Variants in LCLAT1 observed in about 807,000 individuals in gnomAD.
LCLAT1 encodes 1-AGP acyltransferase 8.
Under a neutral mutation model 30.7 loss-of-function variants are expected in LCLAT1, and 11 were observed. The observed-to-expected ratio is 0.36, with a 90% confidence interval of 0.23 to 0.59. LCLAT1 has a LOEUF of 0.59. LCLAT1 is among the 20% of genes least tolerant of loss of function. The pLI, the probability that LCLAT1 is intolerant of heterozygous loss-of-function variation, is 0.77. For synonymous variants in LCLAT1, 155 were observed against 151.3 expected (o/e 1.02, Z -0.18); for missense variants, 402 against 458.6 (o/e 0.88, Z 1.13).
chr2:30,585,055 T>A (rs1666372701), intron 5 of LCLAT1, among the ~76,000 whole-genome samples: 1 of 151,476 alleles, frequency 6.6e-6, no homozygotes, highest in Admixed American at 6.6e-5. Flanking sequence ...CTCTATGGGG[T>A]AAATGAGAAA....
chr2:30,544,227 A>G (rs1056116170), intron 3 of LCLAT1, among the ~76,000 whole-genome samples: 5 of 152,110 alleles, frequency 3.3e-5, no homozygotes, highest in Admixed American at 2.0e-4. Flanking sequence ...GTACCTTCTG[A>G]TGATTACCTT....
intron 1 of LCLAT1, among the ~76,000 whole-genome samples, chr2:30,505,693 C>T (rs1684624503): frequency 1.3e-5 from 2 of 152,092 alleles, no homozygotes; most frequent in South Asian, 2.1e-4. Flanking sequence ...CCTATACCTG[C>T]TCCACACCTC....
At chr2:30,537,181 A>T (rs1198243737) in intron 3 of LCLAT1, among the ~76,000 whole-genome samples, 1 of 152,136 alleles carries the variant, frequency 6.6e-6, no homozygotes, top group Non-Finnish European at 1.5e-5. Context: ...GGAGATCGAG[A>T]CCATCCTGGC....
chr2:30,620,411 T>C (rs1359724069), intron 5 of LCLAT1, among the ~76,000 whole-genome samples: 1 of 152,218 alleles, frequency 6.6e-6, no homozygotes, highest in East Asian at 1.9e-4. Context: ...ACTACTGTCA[T>C]ATAGCCTCTC....
chr2:30,517,374 G>C (rs906405054), intron 1 of LCLAT1, among the ~76,000 whole-genome samples: 1 of 152,148 alleles, frequency 6.6e-6, no homozygotes, highest in African/African-American at 2.4e-5. Context: ...GGTGGGACCC[G>C]TTCCTCACCA....
chr2:30,606,269 C>G (rs939803578), intron 5 of LCLAT1: 3 of 318,748 alleles, frequency 9.4e-6, no homozygotes, highest in Non-Finnish European at 1.8e-5. Flanking sequence ...ACAAAAAGCC[C>G]ATATAGCCAA....
chr2:30,453,200 G>A (rs1171376166), intron 1 of LCLAT1, among the ~76,000 whole-genome samples: 2 of 152,062 alleles, frequency 1.3e-5, no homozygotes, highest in African/African-American at 4.8e-5. Flanking sequence ...TTGTTGAGCT[G>A]GTATCTACTG....
intron 4 of LCLAT1, among the ~76,000 whole-genome samples, chr2:30,564,819 T>C (rs1665401326): frequency 6.6e-6 from 1 of 152,192 alleles, no homozygotes; most frequent in African/African-American, 2.4e-5. Context: ...CTAGCTTGCA[T>C]GTACATTTAA....
Position 30,608,075 on chromosome 2 carries a change from C to T in LCLAT1, c.629-32042C>T, listed in dbSNP as rs556816338. The stretch of plus-strand genomic sequence containing the variant: ...TTTACTCACACCTGTAATCCCAGCA[C>T]TTTGGGAACCCGAGGCAGGTGGATC... On this transcript the variant is annotated intron_variant, in intron 5 of 5. Transcript: ENST00000379509. Among the ~76,000 whole-genome samples, 9 of 152,060 alleles carry T rather than the reference C, an allele frequency of 5.9e-5. 1 individual carries two copies. The East Asian group carries it at 1.4e-3, about 23-fold the overall frequency.
Position 30,449,738 on chromosome 2 carries a change from G to A in LCLAT1, c.-5+2355G>A, listed in dbSNP as rs549263713. Among the ~76,000 whole-genome samples, 119 of 152,242 alleles carry A rather than the reference G, an allele frequency of 7.8e-4. 1 individual carries two copies. The highest frequency in any genetic ancestry group is 3.7e-3 in the South Asian group (18 of 4,826). ...TAGTCTTGAGCTCCCGACCTCAGGT[G>A]ATCCGCCTGCCTCAGCCTCCCAAAG... On this transcript the variant is annotated intron_variant, in intron 1 of 5. Transcript: ENST00000379509.
intron 1 of LCLAT1, among the ~76,000 whole-genome samples, chr2:30,477,381 C>T (rs191915770): frequency 2.8e-4 from 43 of 152,142 alleles, no homozygotes; most frequent in Admixed American, 1.6e-3. Flanking sequence ...AATACATCTT[C>T]GGTCTAATTA....
At chr2:30,511,031 CT>C (rs528098820) in intron 1 of LCLAT1, among the ~76,000 whole-genome samples, 12 of 151,990 alleles carry the variant, frequency 7.9e-5, no homozygotes, top group African/African-American at 2.4e-4. Flanking sequence ...TTCAAGTATA[CT>C]TTTTTTTCTG....
At chr2:30,639,973 AC>A in intron 5 of LCLAT1, 143 bp from the exon 6 acceptor site, 1 of 646,082 alleles carries the variant, frequency 1.5e-6, no homozygotes, top group South Asian at 2.2e-5. Context: ...GTCCAGGAAC[AC>A]CAGTATCTCT....
At chr2:30,533,062 T>G (rs1042247876) in intron 2 of LCLAT1, 54 bp from the exon 3 acceptor site, 64 of 1,258,942 alleles carry the variant, frequency 5.1e-5, no homozygotes, top group Non-Finnish European at 7.0e-5. Context: ...TGATAAAATT[T>G]ACCTATGGAA....
Position 30,527,203 on chromosome 2 carries a change from C to G in LCLAT1, c.165+1448C>G, listed in dbSNP as rs538416079. Among the ~76,000 whole-genome samples, 27 of 152,244 alleles carry G rather than the reference C, an allele frequency of 1.8e-4. No individual in the cohort carries two copies. The South Asian group carries it at 3.1e-3, about 18-fold the overall frequency. On this transcript the variant is annotated intron_variant, in intron 2 of 5. Coordinates refer to ENST00000379509, the MANE Select transcript of LCLAT1 (RefSeq NM_001002257.3). ...AGACATTTCCTATTGAAACATTTGA[C>G]TGTTTTCATGTCATTTATGTAACTA...
At chr2:30,516,899 C>T (rs1395360776) in intron 1 of LCLAT1, among the ~76,000 whole-genome samples, 1 of 152,158 alleles carries the variant, frequency 6.6e-6, no homozygotes, top group Non-Finnish European at 1.5e-5. Context: ...CGAACAGCCC[C>T]CATCTGAGTT....
At chr2:30,575,882 A>C (rs945535827) in intron 5 of LCLAT1, among the ~76,000 whole-genome samples, 4 of 152,144 alleles carry the variant, frequency 2.6e-5, no homozygotes, top group African/African-American at 9.7e-5. Context: ...AATAGGAGAA[A>C]AATTTTGCCC....
chr2:30,492,276 G>T (rs1003360905), intron 1 of LCLAT1, among the ~76,000 whole-genome samples: 3 of 152,196 alleles, frequency 2.0e-5, no homozygotes, highest in African/African-American at 7.2e-5. Context: ...GAAGGAAGGA[G>T]ACTTTTCTGA....
intron 5 of LCLAT1, among the ~76,000 whole-genome samples, chr2:30,587,053 C>T (rs1381733405): frequency 6.6e-6 from 1 of 152,156 alleles, no homozygotes; most frequent in South Asian, 2.1e-4. Flanking sequence ...TAAACCTGAA[C>T]ACTCTCAAGT....
Sources: allele counts gnomAD v4.1 joint callset (sites outside exome capture counted in the v4.1 genomes callset), GRCh38; gene constraint gnomAD v4.1.1; transcripts MANE v1.5; gene names NCBI Gene and HGNC (gene_info 2026-07-23, HGNC 2026-07-21).